The following MACROD2 variants were observed in gnomAD, a reference collection of about 807,000 sequenced individuals.
The protein encoded by MACROD2 is mono-ADP ribosylhydrolase 2.
Under a neutral mutation model 70.4 loss-of-function variants are expected in MACROD2, and 36 were observed. The ratio of observed to expected loss-of-function variants is 0.51; its 90% CI spans 0.39 to 0.68. The LOEUF is 0.68. Among genes scored for constraint, MACROD2 ranks in the 30% least tolerant of loss-of-function variants. The probability of loss-of-function intolerance (pLI) is 0.00; values close to 1 mark genes in which losing one functional copy is unlikely to be tolerated. For missense variants in MACROD2, 496 were observed against 538.4 expected, an observed-to-expected ratio of 0.92 and a Z score of 0.78; for synonymous variants, 172 against 178.8, an observed-to-expected ratio of 0.96 and a Z score of 0.30.
At chr20:14,786,163 C>A (rs375803798) in intron 5 of MACROD2, among the ~76,000 whole-genome samples, 12 of 149,346 alleles carry the variant, frequency 8.0e-5, no homozygotes, top group African/African-American at 2.7e-4. Context: ...TGTAAATTCC[C>A]AGTTCTCTTG....
chr20:14,816,325 T>C (rs2072773315), intron 5 of MACROD2, among the ~76,000 whole-genome samples: 1 of 152,068 alleles, frequency 6.6e-6, no homozygotes, highest in South Asian at 2.1e-4. Flanking sequence ...TTTAACTTTA[T>C]AATAGCAAAA....
chr20:14,692,186 A>C (rs1299685445), intron 5 of MACROD2, among the ~76,000 whole-genome samples: 2 of 152,186 alleles, frequency 1.3e-5, no homozygotes, highest in Non-Finnish European at 2.9e-5. Flanking sequence ...ACTGATTCAG[A>C]AACCCTGTGG....
At chr20:15,465,724 C>T (rs6043298) in intron 7 of MACROD2, among the ~76,000 whole-genome samples, 14,970 of 152,224 alleles carry the variant, frequency 0.098, 834 homozygotes, top group Non-Finnish European at 0.13. Flanking sequence ...ACAAGAGTGA[C>T]GGTCATTTCA....
intron 5 of MACROD2, among the ~76,000 whole-genome samples, chr20:14,822,006 T>C (rs1262111433): frequency 6.6e-6 from 1 of 152,122 alleles, no homozygotes; most frequent in Admixed American, 6.5e-5. Flanking sequence ...CAAATGTTTA[T>C]TCAGAAATCC....
intron 7 of MACROD2, among the ~76,000 whole-genome samples, chr20:15,461,214 C>A (rs1365181441): frequency 6.6e-6 from 1 of 151,198 alleles, no homozygotes; most frequent in Admixed American, 6.6e-5. Flanking sequence ...TAAAAGTATT[C>A]CAAGGATGTT....
chr20:15,706,375 G>A (rs2050532168), intron 8 of MACROD2, among the ~76,000 whole-genome samples: 1 of 152,226 alleles, frequency 6.6e-6, no homozygotes, highest in African/African-American at 2.4e-5. Flanking sequence ...CCTGGAAAGT[G>A]ATGGGGTGAG....
At chr20:15,720,671 C>CAG (rs1427999030) in intron 8 of MACROD2, among the ~76,000 whole-genome samples, 2 of 152,110 alleles carry the variant, frequency 1.3e-5, no homozygotes, top group Non-Finnish European at 2.9e-5. Flanking sequence ...GGACTATTGG[C>CAG]AGTGAGAGGT....
chr20:15,719,832 C>A (rs1025141554), intron 8 of MACROD2, among the ~76,000 whole-genome samples: 3 of 152,090 alleles, frequency 2.0e-5, no homozygotes, highest in Admixed American at 1.3e-4. Flanking sequence ...TAGCTATTTT[C>A]ACATATGCAA....
At chr20:14,437,850 A>G (rs941992685) in intron 3 of MACROD2, among the ~76,000 whole-genome samples, 1 of 152,220 alleles carries the variant, frequency 6.6e-6, no homozygotes, top group Non-Finnish European at 1.5e-5. Flanking sequence ...TTTAAGATAC[A>G]AAACATTATA....
At chr20:14,846,684 AT>A (rs2073145249) in intron 5 of MACROD2, among the ~76,000 whole-genome samples, 2 of 151,768 alleles carry the variant, frequency 1.3e-5, no homozygotes, top group Admixed American at 6.6e-5. Flanking sequence ...CGCCTGGCTA[AT>A]TTTTTATATT....
In MACROD2 at chr20:14,460,961, C is replaced by G. The variant is rs13039660; in HGVS notation, c.272-32518C>G. On this transcript the variant is annotated intron_variant, in intron 3 of 17. Coordinates refer to ENST00000684519, the MANE Select transcript of MACROD2 (RefSeq NM_001351661.2). ...AAAATGAGTTAGGGAGGATTCCCCCCTTTTTTTTTTATCGTTCGGAATAGT... is the reference window on the plus strand; with the variant it reads ...AAAATGAGTTAGGGAGGATTCCCCCGTTTTTTTTTTATCGTTCGGAATAGT... 2.7e-5 allele frequency among the ~76,000 whole-genome samples: 4 copies of G among 148,508 alleles called. No homozygotes were observed. In the South Asian group the frequency reaches 8.6e-4, roughly 32 times the overall value.
chr20:14,779,294 T>TA (rs1465526031), intron 5 of MACROD2, among the ~76,000 whole-genome samples: 1 of 152,158 alleles, frequency 6.6e-6, no homozygotes, highest in African/African-American at 2.4e-5. Flanking sequence ...TCACTCTGTG[T>TA]AAAAATTCAG....
chr20:14,401,961 A>G (rs2083642433), intron 3 of MACROD2, among the ~76,000 whole-genome samples: 1 of 152,198 alleles, frequency 6.6e-6, no homozygotes, highest in Non-Finnish European at 1.5e-5. Flanking sequence ...CTGAACAGGC[A>G]GCTTGCCAAC....
At position 14,506,164 on chromosome 20, in the gene MACROD2, G is replaced by A. The variant is rs907484497; in HGVS notation, c.301+12656G>A. 1.3e-5 allele frequency among the ~76,000 whole-genome samples: 2 copies of A among 152,086 alleles called. 1 individual carries two copies. The highest frequency in any genetic ancestry group is 4.8e-5 in the African/African-American group (2 of 41,414). ...AAGTGATGATCTTGGCCAGATGAGG[G>A]CCAAAAGCCTGAAGTTATGGTTGTG... is the stretch of plus-strand genomic sequence containing the variant. On this transcript the variant is annotated intron_variant, in intron 4 of 17. Coordinates refer to ENST00000684519, the MANE Select transcript of MACROD2 (RefSeq NM_001351661.2).
intron 3 of MACROD2, among the ~76,000 whole-genome samples, chr20:14,134,819 A>AAC (rs1368701823): frequency 1.3e-5 from 2 of 151,520 alleles, no homozygotes; most frequent in African/African-American, 2.4e-5. Flanking sequence ...AAAAAAAAAA[A>AAC]AAACAGCTAC....
chr20:14,866,741 G>A (rs920871855), intron 5 of MACROD2, among the ~76,000 whole-genome samples: 5 of 152,124 alleles, frequency 3.3e-5, no homozygotes, highest in South Asian at 4.1e-4. Flanking sequence ...TGATATACAC[G>A]TGCAGGAGTA....
intron 4 of MACROD2, among the ~76,000 whole-genome samples, chr20:14,601,373 A>T (rs1982486008): frequency 6.6e-6 from 1 of 152,024 alleles, no homozygotes; most frequent in South Asian, 2.1e-4. Context: ...GCCACCGGGG[A>T]TATGACAGGA....
chr20:14,781,043 G>T (rs1242117048), intron 5 of MACROD2, among the ~76,000 whole-genome samples: 1 of 152,010 alleles, frequency 6.6e-6, no homozygotes, highest in African/African-American at 2.4e-5. Context: ...TGATATTTTT[G>T]TGGTAAGAAC....
chr20:14,216,759 T>G (rs2081626459), intron 3 of MACROD2, among the ~76,000 whole-genome samples: 1 of 152,144 alleles, frequency 6.6e-6, no homozygotes, highest in Non-Finnish European at 1.5e-5. Flanking sequence ...TTTATTTTTT[T>G]GTTTGCAGCT....
Sources: gnomAD v4.1 joint callset for allele counts (sites outside exome capture counted in the v4.1 genomes callset) on GRCh38, gnomAD v4.1.1 for gene constraint, MANE v1.5 for transcripts, NCBI Gene and HGNC (gene_info 2026-07-23, HGNC 2026-07-21) for gene names.